The following CSMD1 variants were observed in gnomAD, a reference collection of about 807,000 sequenced individuals.
The protein encoded by CSMD1 is CUB and Sushi multiple domains 1, also known as CUB and sushi domain-containing protein 1.
A neutral mutation model predicts 417.5 loss-of-function variants in CSMD1; 213 were observed. The observed-to-expected ratio is 0.51, with a 90% CI of 0.46 to 0.57. CSMD1 has a LOEUF of 0.57. CSMD1 is among the 20% of genes least tolerant of loss of function. The pLI is 0.00. For synonymous variants in CSMD1, 2,862 were observed against 1,736.8 expected (o/e 1.65, Z -16.11); for missense variants, 6,923 against 4,529.7 (o/e 1.53, Z -15.17).
intron 3 of CSMD1, among the ~76,000 whole-genome samples, chr8:4,178,948 A>ACATTC: frequency 6.6e-6 from 1 of 152,202 alleles, no homozygotes; most frequent in East Asian, 1.9e-4. Flanking sequence ...AAATGGAAGA[A>ACATTC]CATTCCATGC....
chr8:4,079,905 T>C (rs977993784), intron 3 of CSMD1, among the ~76,000 whole-genome samples: 1 of 152,184 alleles, frequency 6.6e-6, no homozygotes, highest in African/African-American at 2.4e-5. Context: ...GGCCATATTC[T>C]TGCCTTTCCA....
At chr8:4,098,204 C>T (rs1039272533) in intron 3 of CSMD1, among the ~76,000 whole-genome samples, 1 of 152,132 alleles carries the variant, frequency 6.6e-6, no homozygotes, top group South Asian at 2.1e-4. Context: ...CAACACAATT[C>T]TATACACATA....
chr8:4,015,531 T>A (rs1284861995), intron 4 of CSMD1, among the ~76,000 whole-genome samples: 1 of 152,100 alleles, frequency 6.6e-6, no homozygotes, highest in African/African-American at 2.4e-5. Context: ...GGGCCTACAC[T>A]ATTTAGCATG....
intron 3 of CSMD1, among the ~76,000 whole-genome samples, chr8:4,403,468 T>A (rs2128930254): frequency 6.6e-6 from 1 of 152,280 alleles, no homozygotes; most frequent in South Asian, 2.1e-4. Flanking sequence ...GGGTCACCAA[T>A]GACCTACTTA....
intron 5 of CSMD1, among the ~76,000 whole-genome samples, chr8:3,789,088 G>C (rs1585000412): frequency 1.3e-5 from 2 of 152,118 alleles, no homozygotes; most frequent in South Asian, 4.1e-4. Context: ...GCACCAACAT[G>C]GGGGGATTAG....
chr8:3,464,924 T>C (rs561624550), intron 12 of CSMD1, among the ~76,000 whole-genome samples: 1 of 152,246 alleles, frequency 6.6e-6, no homozygotes, highest in Admixed American at 6.5e-5. Context: ...AACTTTGCAT[T>C]TTTTTCCCCA....
At chr8:3,398,832 C>A (rs553629706) in intron 16 of CSMD1, among the ~76,000 whole-genome samples, 1 of 152,120 alleles carries the variant, frequency 6.6e-6, no homozygotes, top group Non-Finnish European at 1.5e-5. Context: ...CCTACGCAGC[C>A]CAGCATGCTT....
intron 1 of CSMD1, among the ~76,000 whole-genome samples, chr8:4,655,497 T>C (rs1350000906): frequency 6.6e-6 from 1 of 152,152 alleles, no homozygotes; most frequent in Non-Finnish European, 1.5e-5. Flanking sequence ...AAATCTATGA[T>C]GATCAGAATT....
chr8:4,391,640 G>A (rs1216620340), intron 3 of CSMD1, among the ~76,000 whole-genome samples: 1 of 151,964 alleles, frequency 6.6e-6, no homozygotes, highest in Non-Finnish European at 1.5e-5. Context: ...ATACACTGCT[G>A]GGTTGACTGG....
At chr8:4,272,841 A>G (rs10503246) in intron 3 of CSMD1, among the ~76,000 whole-genome samples, 33,027 of 152,140 alleles carry the variant, frequency 0.22, 4,340 homozygotes, top group Non-Finnish European at 0.29. Context: ...GTCTTGATGA[A>G]TAAGTCTCGA....
chr8:4,016,833 G>A (rs1482015904), intron 4 of CSMD1, among the ~76,000 whole-genome samples: 2 of 152,168 alleles, frequency 1.3e-5, no homozygotes, highest in African/African-American at 2.4e-5. Context: ...GTTGTTGGAA[G>A]TCATGTCTAT....
chr8:3,813,742 G>A (rs1311271286), intron 5 of CSMD1, among the ~76,000 whole-genome samples: 3 of 152,126 alleles, frequency 2.0e-5, no homozygotes, highest in African/African-American at 7.2e-5. Context: ...GTCCATTTCT[G>A]GAGGTATGAG....
At chr8:3,888,153 C>G (rs575432820) in intron 5 of CSMD1, among the ~76,000 whole-genome samples, 1 of 152,144 alleles carries the variant, frequency 6.6e-6, no homozygotes, top group African/African-American at 2.4e-5. Context: ...CATTTGTATG[C>G]AATGTTCGTC....
chr8:4,365,968 G>A (rs1349046274), intron 3 of CSMD1, among the ~76,000 whole-genome samples: 2 of 152,042 alleles, frequency 1.3e-5, no homozygotes, highest in Non-Finnish European at 2.9e-5. Context: ...CCACGTACAG[G>A]TTTGTTCATG....
intron 3 of CSMD1, among the ~76,000 whole-genome samples, chr8:4,063,174 A>T (rs1283448088): frequency 6.6e-6 from 1 of 152,174 alleles, no homozygotes; most frequent in Admixed American, 6.6e-5. Flanking sequence ...AAATGTTGAC[A>T]GTAATGGATA....
At chr8:4,106,922 A>G (rs527749893) in intron 3 of CSMD1, among the ~76,000 whole-genome samples, 1 of 152,312 alleles carries the variant, frequency 6.6e-6, no homozygotes, top group African/African-American at 2.4e-5. Flanking sequence ...CTTATTTATA[A>G]ACCAAAACGC....
Position 3,341,420 on chromosome 8 carries a change from G to A in CSMD1, c.3631+1874C>T, listed in dbSNP as rs190185793. ...CATCACCATGAGAAAATGAGACCAA[G>A]TGTTTACAAATGAGAAATCATTCCA... On this transcript the variant is annotated intron_variant, in intron 23 of 69. Coordinates refer to ENST00000635120, the MANE Select transcript of CSMD1 (RefSeq NM_033225.6). 3.9e-5 allele frequency among the ~76,000 whole-genome samples: 6 copies of A among 152,306 alleles called. No homozygotes were observed. In the South Asian group the frequency reaches 1.0e-3, roughly 26 times the overall value.
intron 41 of CSMD1, 116 bp from the exon 42 acceptor site, chr8:3,118,703 A>G: frequency 1.2e-6 from 1 of 856,484 alleles, no homozygotes; most frequent in South Asian, 1.7e-5. Context: ...GATAAGTTTA[A>G]TAAGGTATAT....
chr8:3,791,390 C>G (rs969607031), intron 5 of CSMD1, among the ~76,000 whole-genome samples: 68 of 152,254 alleles, frequency 4.5e-4, no homozygotes, highest in African/African-American at 1.6e-3. Flanking sequence ...TCTTTCAAAG[C>G]TCTTTGACAG....
Sources: allele counts gnomAD v4.1 joint callset (sites outside exome capture counted in the v4.1 genomes callset), GRCh38; gene constraint gnomAD v4.1.1; transcripts MANE v1.5; gene names NCBI Gene and HGNC (gene_info 2026-07-23, HGNC 2026-07-21).